Variants in SCAF11 observed in about 807,000 individuals in gnomAD.
The protein encoded by SCAF11 is protein SCAF11.
Under a neutral mutation model 140.5 loss-of-function variants are expected in SCAF11, and 47 were observed. The observed-to-expected ratio is 0.33, with a 90% CI of 0.26 to 0.43. The LOEUF is 0.43. Among genes scored for constraint, SCAF11 ranks in the 20% least tolerant of loss-of-function variants. SCAF11 has a pLI of 1.00. For synonymous variants in SCAF11, 557 were observed against 579.4 expected, an observed-to-expected ratio of 0.96 and a Z score of 0.55; for missense variants, 1,645 against 1,705.1, an observed-to-expected ratio of 0.96 and a Z score of 0.62.
At chr12:45,950,021 A>T (rs1450471205) in intron 4 of SCAF11, among the ~76,000 whole-genome samples, 1 of 152,150 alleles carries the variant, frequency 6.6e-6, no homozygotes, top group Non-Finnish European at 1.5e-5. Context: ...GAAGTAAAAC[A>T]ATCATTCATA....
chr12:45,938,323 T>TAC lies in SCAF11; in HGVS notation c.464-3820_464-3819dup, dbSNP rs893085866. On this transcript the variant is annotated intron_variant, in intron 6 of 14. Transcript: ENST00000369367. The stretch of plus-strand genomic sequence containing the variant: ...TGGCCAACATGGTGAAACCCTGCTC[T>TAC]ACTAAAAATACCAAAATTAGCCGGG... Among the ~76,000 whole-genome samples the TAC allele has an allele frequency of 6.6e-5, 10 of 152,172 alleles. 1 individual carries two copies. The highest frequency in any genetic ancestry group is 2.4e-4 in the African/African-American group (10 of 41,528).
chr12:45,927,731 A>T lies in SCAF11; in HGVS notation c.1970T>A (p.Phe657Tyr), dbSNP rs7315731. The T allele has an allele frequency of 0.47, 763,795 of 1,609,834 alleles. 186,367 individuals are homozygous for T. Among genetic ancestry groups the T allele is most frequent in the South Asian group, 0.52 (47,111 of 90,678 alleles). Residue 657 changes from phenylalanine to tyrosine, a missense_variant, in exon 11 of 15, where the codon TTC becomes TAC. Around this residue, in one of 2 missense-constraint regions of SCAF11, gnomAD observed 1,582 missense variants for 1,609.2 expected, o/e 0.98. Transcript: ENST00000369367. ...ATCDTFGNED[F>Y]NNIQDSENNL... The stretch of plus-strand genomic sequence containing the variant: ...ATTTTCAGAGTCTTGAATATTATTG[A>T]AATCTTCATTCCCAAAAGTATCACA...
intron 1 of SCAF11, among the ~76,000 whole-genome samples, chr12:45,972,895 T>TCG (rs1182448006): frequency 4.9e-4 from 16 of 32,934 alleles, no homozygotes; most frequent in Non-Finnish European, 1.5e-4. Flanking sequence ...TATATATAGA[T>TCG]ATATATATAT....
intron 10 of SCAF11, among the ~76,000 whole-genome samples, chr12:45,930,459 T>TTG (rs1945016116): frequency 6.7e-6 from 1 of 149,922 alleles, no homozygotes; most frequent in African/African-American, 2.5e-5. Flanking sequence ...TTTTTTTGTT[T>TTG]TTTTTTTTTT....
Position 45,920,274 on chromosome 12 carries a change from C to T in SCAF11, c.*1774G>A, listed in dbSNP as rs982561063. On this transcript the variant is annotated 3_prime_UTR_variant, in exon 15 of 15. Transcript: ENST00000369367. ...CAACATTTCAAAATATTTTGCCTAT[C>T]AAAGCTAGCACCAGGAAAAGTATTA... The T allele has an allele frequency of 3.3e-5, 5 of 152,144 alleles. No individual in the cohort carries two copies. Among genetic ancestry groups the T allele is most frequent in the African/African-American group, 1.2e-4 (5 of 41,438 alleles). 9.4% of individuals were successfully genotyped at this position (152,144 alleles called of 1,614,324 possible).
chr12:45,946,768 A>G (rs1398338087), intron 5 of SCAF11, among the ~76,000 whole-genome samples: 2 of 152,216 alleles, frequency 1.3e-5, no homozygotes, highest in Non-Finnish European at 2.9e-5. Flanking sequence ...ATTATCTACT[A>G]TGTAAATACA....
rs989533738 is a variant in SCAF11 at position 45,990,436 on chromosome 12, C to T, written c.-105G>A. ...CCAGTCACTCCGCTGCCAAGTTCCCCAACATGGACTCCTTCGTCCGCTTTG... is the reference window on the plus strand; with the variant it reads ...CCAGTCACTCCGCTGCCAAGTTCCCTAACATGGACTCCTTCGTCCGCTTTG... On this transcript the variant is annotated 5_prime_UTR_variant, in exon 1 of 15. Coordinates refer to ENST00000369367, the MANE Select transcript of SCAF11 (RefSeq NM_004719.3). The T allele has an allele frequency of 8.1e-7, 1 of 1,231,910 alleles. No individual in the cohort carries two copies. Among genetic ancestry groups the T allele is most frequent in the Non-Finnish European group, 1.0e-6 (1 of 988,236 alleles). 76.3% of individuals were successfully genotyped at this position (1,231,910 alleles called of 1,614,324 possible).
chr12:45,951,809 A>G, intron 3 of SCAF11, 82 bp from the exon 4 acceptor site: 1 of 905,522 alleles, frequency 1.1e-6, no homozygotes, highest in Non-Finnish European at 1.7e-6. Flanking sequence ...TTTTCCATAA[A>G]ATTATTTTTA....
chr12:45,936,086 C>G (rs191265291), intron 6 of SCAF11, among the ~76,000 whole-genome samples: 1 of 152,126 alleles, frequency 6.6e-6, no homozygotes, highest in East Asian at 1.9e-4. Flanking sequence ...TTGGCTGTTT[C>G]TTCTAACATT....
chr12:45,947,942 G>T (rs1945463611), intron 5 of SCAF11, among the ~76,000 whole-genome samples: 1 of 152,088 alleles, frequency 6.6e-6, no homozygotes. Context: ...CTCCCAAAGT[G>T]CTAGCCTTAA....
In SCAF11 at chr12:45,921,964, T is replaced by A; in HGVS notation, c.*84A>T. ...TATCAAAACCAAATTTCAATCACAG[T>A]TATGTATGATTTTCAGTTAATGGTA... On this transcript the variant is annotated 3_prime_UTR_variant, in exon 15 of 15. Transcript: ENST00000369367. 1 of 1,435,966 alleles carries A rather than the reference T, an allele frequency of 7.0e-7. No homozygotes were observed. The highest frequency in any genetic ancestry group is 9.4e-7 in the Non-Finnish European group (1 of 1,063,568). The allele number at this position is 1,435,966 out of a possible 1,614,324, so 89.0% of individuals were successfully genotyped here.
intron 1 of SCAF11, chr12:45,974,330 T>G (rs1162643545): frequency 2.4e-6 from 1 of 418,894 alleles, no homozygotes; most frequent in Admixed American, 2.8e-5. Context: ...GGGTTGGCTG[T>G]GGCAATTCCT....
intron 1 of SCAF11, among the ~76,000 whole-genome samples, chr12:45,971,215 G>A (rs1946065107): frequency 6.6e-6 from 1 of 152,120 alleles, no homozygotes; most frequent in South Asian, 2.1e-4. Flanking sequence ...ATGCAGCAAG[G>A]TCACCTACAT....
chr12:45,953,830 C>G, intron 3 of SCAF11: 1 of 853,544 alleles, frequency 1.2e-6, no homozygotes, highest in Non-Finnish European at 1.7e-6. Context: ...TAACTTACCT[C>G]TAAGGTTTTT....
At chr12:45,961,219 C>A in intron 3 of SCAF11, 1 of 672,530 alleles carries the variant, frequency 1.5e-6, no homozygotes, top group Non-Finnish European at 2.7e-6. Context: ...AACATAAAAT[C>A]CAAGTTTCCT....
chr12:45,949,349 T>A (rs1007409390), intron 4 of SCAF11, among the ~76,000 whole-genome samples: 3 of 152,170 alleles, frequency 2.0e-5, no homozygotes, highest in Non-Finnish European at 2.9e-5. Context: ...TATAATTTTT[T>A]AAAAGAATGT....
chr12:45,986,440 A>G (rs1252419090), intron 1 of SCAF11, among the ~76,000 whole-genome samples: 1 of 152,092 alleles, frequency 6.6e-6, no homozygotes, highest in African/African-American at 2.4e-5. Flanking sequence ...TCCTAATTCA[A>G]GCTATCCTCA....
At chr12:45,984,263 T>C (rs541831128) in intron 1 of SCAF11, among the ~76,000 whole-genome samples, 27 of 152,372 alleles carry the variant, frequency 1.8e-4, no homozygotes, top group Non-Finnish European at 3.7e-4. Flanking sequence ...ATTAGTTCTG[T>C]TGCAAAATGT....
At chr12:45,966,685 CAG>C (rs879269476) in intron 1 of SCAF11, among the ~76,000 whole-genome samples, 7 of 151,732 alleles carry the variant, frequency 4.6e-5, no homozygotes, top group Non-Finnish European at 7.4e-5. Context: ...GCATTCTTGG[CAG>C]AGAGAATAGC....
Sources: gnomAD v4.1 joint callset for allele counts (sites outside exome capture counted in the v4.1 genomes callset) on GRCh38, gnomAD v4.1.1 for gene constraint, gnomAD v4.1.1 regional missense constraint, MANE v1.5 for transcripts, NCBI Gene and HGNC (gene_info 2026-07-23, HGNC 2026-07-21) for gene names.